The following SORCS1 variants were observed in gnomAD, a reference collection of about 807,000 sequenced individuals.
SORCS1 encodes VPS10 domain-containing receptor SorCS1.
In SORCS1, 60 loss-of-function variants were observed where a neutral mutation model predicts 146.1. That is an observed-to-expected ratio of 0.41 (90% CI 0.33 to 0.51). The LOEUF (loss-of-function observed/expected upper bound fraction) is 0.51, where lower values mean the gene tolerates loss of function less well. Among genes scored for constraint, SORCS1 ranks in the 20% least tolerant of loss-of-function variants. The probability of loss-of-function intolerance (pLI) is 0.21; values close to 1 mark genes in which losing one functional copy is unlikely to be tolerated. For synonymous variants in SORCS1, 637 were observed against 584.0 expected, an observed-to-expected ratio of 1.09 and a Z score of -1.31; for missense variants, 1,352 against 1,487.6, an observed-to-expected ratio of 0.91 and a Z score of 1.50.
chr10:107,109,376 ACT>A (rs1965524667), intron 1 of SORCS1, among the ~76,000 whole-genome samples: 1 of 151,966 alleles, frequency 6.6e-6, no homozygotes. Context: ...TTACTCATAC[ACT>A]CTGTGAATCT....
chr10:106,651,859 T>C (rs1849887935), intron 18 of SORCS1, among the ~76,000 whole-genome samples: 1 of 152,222 alleles, frequency 6.6e-6, no homozygotes, highest in Non-Finnish European at 1.5e-5. Flanking sequence ...AATGTATGCT[T>C]TTAATGATAT....
chr10:106,716,956 C>CA (rs1439897351), intron 6 of SORCS1, among the ~76,000 whole-genome samples: 1 of 151,946 alleles, frequency 6.6e-6, no homozygotes, highest in African/African-American at 2.4e-5. Flanking sequence ...ACCAACACAG[C>CA]AAAAAAATAT....
chr10:107,086,792 G>C (rs956231188), intron 1 of SORCS1, among the ~76,000 whole-genome samples: 2 of 152,178 alleles, frequency 1.3e-5, no homozygotes, highest in African/African-American at 2.4e-5. Context: ...CACTTTGGGA[G>C]GCCAAGGCAG....
At chr10:106,746,541 T>C (rs1380991631) in intron 5 of SORCS1, among the ~76,000 whole-genome samples, 1 of 152,260 alleles carries the variant, frequency 6.6e-6, no homozygotes, top group African/African-American at 2.4e-5. Flanking sequence ...AGCTGTCTTA[T>C]ATTTATGATT....
intron 1 of SORCS1, among the ~76,000 whole-genome samples, chr10:107,122,212 A>G (rs1458638296): frequency 6.6e-6 from 1 of 152,260 alleles, no homozygotes; most frequent in South Asian, 2.1e-4. Context: ...AACTAAGCAC[A>G]ATACAAGCAA....
chr10:106,718,582 T>C (rs969782087), intron 6 of SORCS1, among the ~76,000 whole-genome samples: 3 of 152,256 alleles, frequency 2.0e-5, no homozygotes, highest in African/African-American at 7.2e-5. Flanking sequence ...CAAGATTTAT[T>C]GCAAAGAGCA....
chr10:106,891,598 C>T (rs920807273), intron 2 of SORCS1, among the ~76,000 whole-genome samples: 2 of 150,124 alleles, frequency 1.3e-5, no homozygotes. Context: ...TTCCTGGGCT[C>T]AAGTGATCCT....
At chr10:106,833,725 TG>T (rs1722797397) in intron 2 of SORCS1, among the ~76,000 whole-genome samples, 1 of 152,098 alleles carries the variant, frequency 6.6e-6, no homozygotes, top group South Asian at 2.1e-4. Flanking sequence ...TGCTCCCCAG[TG>T]GGGGACACAG....
chr10:106,933,837 T>C (rs1185586041), intron 2 of SORCS1, among the ~76,000 whole-genome samples: 1 of 152,174 alleles, frequency 6.6e-6, no homozygotes, highest in Non-Finnish European at 1.5e-5. Flanking sequence ...CTCATACTTG[T>C]AATCCTAGTA....
chr10:106,730,166 G>C, intron 5 of SORCS1, 52 bp from the exon 6 acceptor site: 1 of 1,577,666 alleles, frequency 6.3e-7, no homozygotes, highest in Non-Finnish European at 8.7e-7. Context: ...GACTTCACAT[G>C]TGCCTTAGTG....
chr10:107,109,510 G>A (rs1490378026), intron 1 of SORCS1, among the ~76,000 whole-genome samples: 2 of 152,202 alleles, frequency 1.3e-5, no homozygotes, highest in Non-Finnish European at 2.9e-5. Flanking sequence ...GGGATGTGGG[G>A]AGCAGCATCC....
At chr10:106,741,633 AGAGT>A (rs1269743222) in intron 5 of SORCS1, among the ~76,000 whole-genome samples, 1 of 151,668 alleles carries the variant, frequency 6.6e-6, no homozygotes, top group Non-Finnish European at 1.5e-5. Context: ...AGAGAGAGAG[AGAGT>A]GAGAGAGAGA....
intron 1 of SORCS1, among the ~76,000 whole-genome samples, chr10:107,082,146 C>A (rs17281708): frequency 0.24 from 36,807 of 151,884 alleles, 4,787 homozygotes; most frequent in Middle Eastern, 0.42. Flanking sequence ...CACACCTGCA[C>A]TTTCGGAAAC....
intron 2 of SORCS1, among the ~76,000 whole-genome samples, chr10:106,852,627 CAAA>C (rs370300215): frequency 3.3e-4 from 28 of 85,026 alleles, no homozygotes; most frequent in African/African-American, 8.8e-4. Context: ...GACCCTGTCT[CAAA>C]AAAAAAAAAA....
chr10:106,944,871 C>CTT lies in SORCS1; in HGVS notation c.626+11640_626+11641dup, dbSNP rs1564838013. Among the ~76,000 whole-genome samples, 289 of 60,992 alleles carry CTT rather than the reference C, an allele frequency of 4.7e-3. 26 individuals are homozygous for CTT. The highest frequency in any genetic ancestry group is 0.012 in the African/African-American group (279 of 22,360). The allele number at this position is 60,992 out of a possible 152,430, so 40.0% of individuals were successfully genotyped here. On this transcript the variant is annotated intron_variant, in intron 2 of 25. Coordinates refer to ENST00000263054, the MANE Select transcript of SORCS1 (RefSeq NM_052918.5). ...ATGGTAGAAAGAAGCAAGAAAGAGC[C>CTT]TTCTTTTTTTTTTTTTTTTTTTTTT...
intron 5 of SORCS1, among the ~76,000 whole-genome samples, chr10:106,744,877 A>G (rs979011505): frequency 1.3e-5 from 2 of 152,188 alleles, no homozygotes; most frequent in African/African-American, 2.4e-5. Flanking sequence ...CAAAGAGGAA[A>G]GCTCAGAACT....
chr10:106,908,109 T>C (rs1489798493), intron 2 of SORCS1, among the ~76,000 whole-genome samples: 1 of 152,146 alleles, frequency 6.6e-6, no homozygotes, highest in Non-Finnish European at 1.5e-5. Context: ...TATATGTCAT[T>C]TCTTATATGT....
At chr10:106,924,652 C>T (rs1158927735) in intron 2 of SORCS1, among the ~76,000 whole-genome samples, 1 of 151,606 alleles carries the variant, frequency 6.6e-6, no homozygotes, top group South Asian at 2.1e-4. Context: ...CCACCATCCT[C>T]ACTTTCTATT....
intron 2 of SORCS1, among the ~76,000 whole-genome samples, chr10:106,874,164 A>G (rs1950519816): frequency 6.6e-6 from 1 of 152,192 alleles, no homozygotes; most frequent in Non-Finnish European, 1.5e-5. Context: ...GGACCCCACA[A>G]TAGCAGTCAA....
Sources: allele counts gnomAD v4.1 joint callset (sites outside exome capture counted in the v4.1 genomes callset), GRCh38; gene constraint gnomAD v4.1.1; transcripts MANE v1.5; gene names NCBI Gene and HGNC (gene_info 2026-07-23, HGNC 2026-07-21).